KCNJ6: variants seen among roughly 807,000 people sequenced by gnomAD.
KCNJ6 encodes potassium inwardly rectifying channel subfamily J member 6.
In KCNJ6, 9 loss-of-function variants were observed where a neutral mutation model predicts 34.2. That is an observed-to-expected ratio of 0.26 (90% CI 0.16 to 0.46). The LOEUF (loss-of-function observed/expected upper bound fraction) is 0.46. KCNJ6 is among the 20% of genes least tolerant of loss of function. The pLI, the probability that KCNJ6 is intolerant of heterozygous loss-of-function variation, is 1.00. For missense variants in KCNJ6, 236 were observed against 531.3 expected, an observed-to-expected ratio of 0.44 and a Z score of 5.46; for synonymous variants, 196 against 207.1, an observed-to-expected ratio of 0.95 and a Z score of 0.46.
chr21:37,634,949 G>T (rs898176544), intron 3 of KCNJ6, among the ~76,000 whole-genome samples: 5 of 152,006 alleles, frequency 3.3e-5, no homozygotes, highest in African/African-American at 9.7e-5. Flanking sequence ...GTAGAGATGG[G>T]TTTCGCCATG....
intron 2 of KCNJ6, among the ~76,000 whole-genome samples, chr21:37,830,539 T>C (rs1390745279): frequency 6.6e-6 from 1 of 152,070 alleles, no homozygotes; most frequent in African/African-American, 2.4e-5. Context: ...AAGTTGATCA[T>C]CCTACAATTC....
intron 2 of KCNJ6, among the ~76,000 whole-genome samples, chr21:37,834,301 G>A (rs1158613561): frequency 1.3e-5 from 2 of 152,112 alleles, no homozygotes; most frequent in African/African-American, 4.8e-5. Flanking sequence ...TTGCTCTTCC[G>A]CCACCTCTGT....
At chr21:37,774,361 T>A (rs990591638) in intron 2 of KCNJ6, among the ~76,000 whole-genome samples, 4 of 152,180 alleles carry the variant, frequency 2.6e-5, no homozygotes, top group South Asian at 2.1e-4. Context: ...CTTTTTTTTT[T>A]ATTATACTTT....
chr21:37,889,778 C>G (rs927526233), intron 1 of KCNJ6, among the ~76,000 whole-genome samples: 1 of 152,132 alleles, frequency 6.6e-6, no homozygotes, highest in Non-Finnish European at 1.5e-5. Context: ...TTCACATGGT[C>G]TTCCTCTCTC....
intron 1 of KCNJ6, among the ~76,000 whole-genome samples, chr21:37,876,737 T>C (rs1460458413): frequency 7.4e-6 from 1 of 134,964 alleles, no homozygotes; most frequent in Admixed American, 6.8e-5. Context: ...TGGATCCATG[T>C]AGACAGGCTG....
intron 2 of KCNJ6, among the ~76,000 whole-genome samples, chr21:37,811,018 C>T (rs2055319931): frequency 6.6e-6 from 1 of 152,162 alleles, no homozygotes; most frequent in Non-Finnish European, 1.5e-5. Context: ...TTGGAACTTT[C>T]AGCCCTAACC....
At chr21:37,814,527 A>AG (rs2055336841) in intron 2 of KCNJ6, among the ~76,000 whole-genome samples, 1 of 152,228 alleles carries the variant, frequency 6.6e-6, no homozygotes, top group South Asian at 2.1e-4. Flanking sequence ...TTTGGAAACA[A>AG]CCTAAATGTC....
chr21:37,804,594 G>A (rs999260863), intron 2 of KCNJ6, among the ~76,000 whole-genome samples: 2 of 151,952 alleles, frequency 1.3e-5, no homozygotes, highest in Non-Finnish European at 2.9e-5. Context: ...CCCTCTAATA[G>A]GCTCCAGTAG....
chr21:37,792,937 G>T (rs1206488855), intron 2 of KCNJ6, among the ~76,000 whole-genome samples: 1 of 152,138 alleles, frequency 6.6e-6, no homozygotes, highest in Non-Finnish European at 1.5e-5. Context: ...GTTGTGTGAG[G>T]CTTGGTCACA....
rs10539396 is a variant in KCNJ6 at position 37,818,211 on chromosome 21, C to CGTGTGT, written c.25+22441_25+22446dup. Among the ~76,000 whole-genome samples the CGTGTGT allele has an allele frequency of 5.6e-3, 830 of 148,298 alleles. 5 individuals are homozygous for CGTGTGT. Among genetic ancestry groups the CGTGTGT allele is most frequent in the African/African-American group, 0.018 (735 of 40,244 alleles). On this transcript the variant is annotated intron_variant, in intron 2 of 3. Coordinates refer to ENST00000609713, the MANE Select transcript of KCNJ6 (RefSeq NM_002240.5). ...AAAAGTGCGTGTGTGTGTGTGCGTGCGTGTGTGTGTGTGTGTGTGTGTGTG... is the reference window on the plus strand; with the variant it reads ...AAAAGTGCGTGTGTGTGTGTGCGTGCGTGTGTGTGTGTGTGTGTGTGTGTGTGTGTG...
intron 2 of KCNJ6, among the ~76,000 whole-genome samples, chr21:37,821,767 C>T (rs1199417104): frequency 3.3e-5 from 5 of 152,178 alleles, no homozygotes; most frequent in African/African-American, 9.7e-5. Context: ...TCTGGTTAAT[C>T]AAATAGTAAA....
At chr21:37,635,894 A>C (rs895068525) in intron 3 of KCNJ6, among the ~76,000 whole-genome samples, 4 of 152,186 alleles carry the variant, frequency 2.6e-5, no homozygotes, top group African/African-American at 9.7e-5. Context: ...GTACTATATT[A>C]AAAAATCACC....
chr21:37,740,272 C>T (rs1289719291), intron 2 of KCNJ6, among the ~76,000 whole-genome samples: 1 of 152,150 alleles, frequency 6.6e-6, no homozygotes, highest in Non-Finnish European at 1.5e-5. Flanking sequence ...CTTATTATAC[C>T]TCTCTGGCAT....
chr21:37,878,356 A>C (rs180897825), intron 1 of KCNJ6, among the ~76,000 whole-genome samples: 291 of 152,304 alleles, frequency 1.9e-3, no homozygotes, highest in Admixed American at 3.9e-3. Context: ...TCTTTCCCTA[A>C]ACTGTGAATT....
chr21:37,755,961 C>T (rs570556041), intron 2 of KCNJ6, among the ~76,000 whole-genome samples: 3 of 152,272 alleles, frequency 2.0e-5, no homozygotes, highest in South Asian at 2.1e-4. Flanking sequence ...TTCGGTGGCT[C>T]GAAATGCTCA....
chr21:37,699,078 C>A (rs2054677322), intron 3 of KCNJ6, among the ~76,000 whole-genome samples: 1 of 152,162 alleles, frequency 6.6e-6, no homozygotes, highest in South Asian at 2.1e-4. Flanking sequence ...TGATATGTGT[C>A]CATAAACACA....
intron 3 of KCNJ6, among the ~76,000 whole-genome samples, chr21:37,646,469 C>T (rs769649025): frequency 1.1e-4 from 17 of 152,108 alleles, no homozygotes; most frequent in Non-Finnish European, 1.8e-4. Context: ...CTTTTAAAGA[C>T]GAGCGGGAGC....
intron 2 of KCNJ6, among the ~76,000 whole-genome samples, chr21:37,788,231 T>C (rs1045943232): frequency 1.3e-5 from 2 of 152,224 alleles, no homozygotes; most frequent in Non-Finnish European, 2.9e-5. Flanking sequence ...CTTGCCTTGA[T>C]GAAAGGTGAA....
At chr21:37,649,677 T>A (rs555383172) in intron 3 of KCNJ6, among the ~76,000 whole-genome samples, 1 of 152,344 alleles carries the variant, frequency 6.6e-6, no homozygotes, top group Admixed American at 6.5e-5. Flanking sequence ...TCTAGCCACA[T>A]TGATAATGAA....
Sources: gnomAD v4.1 joint callset for allele counts (sites outside exome capture counted in the v4.1 genomes callset) on GRCh38, gnomAD v4.1.1 for gene constraint, MANE v1.5 for transcripts, NCBI Gene and HGNC (gene_info 2026-07-23, HGNC 2026-07-21) for gene names.